The following JARID2 variants were observed in gnomAD, a reference collection of about 807,000 sequenced individuals.
JARID2 encodes the protein protein Jumonji.
JARID2 carries 21 observed loss-of-function variants against 125.6 expected under a neutral mutation model. The ratio of observed to expected loss-of-function variants is 0.17; its 90% CI spans 0.12 to 0.24. The LOEUF (loss-of-function observed/expected upper bound fraction) is 0.24. Ranked by LOEUF, JARID2 falls within the 10% of genes least tolerant of loss-of-function variation. The pLI is 1.00. For synonymous variants in JARID2, 736 were observed against 661.6 expected, an observed-to-expected ratio of 1.11 and a Z score of -1.73; for missense variants, 1,303 against 1,639.6, an observed-to-expected ratio of 0.79 and a Z score of 3.55.
intron 3 of JARID2, among the ~76,000 whole-genome samples, chr6:15,445,126 GTTGAT>G (rs1450193492): frequency 1.2e-4 from 19 of 152,230 alleles, no homozygotes; most frequent in African/African-American, 4.6e-4. Context: ...ACTCTACACT[GTTGAT>G]GACCCCAGAG....
intron 4 of JARID2, among the ~76,000 whole-genome samples, chr6:15,458,533 C>T (rs754764151): frequency 6.6e-6 from 1 of 152,226 alleles, no homozygotes; most frequent in African/African-American, 2.4e-5. Flanking sequence ...GATCAGCTGT[C>T]ATTCAGTTGC....
chr6:15,428,847 A>C (rs1766841190), intron 3 of JARID2, among the ~76,000 whole-genome samples: 1 of 149,446 alleles, frequency 6.7e-6, no homozygotes, highest in Non-Finnish European at 1.5e-5. Flanking sequence ...TAGAGGCCGC[A>C]GTGAGTTGAG....
At chr6:15,438,024 G>A (rs972588479) in intron 3 of JARID2, among the ~76,000 whole-genome samples, 1 of 152,182 alleles carries the variant, frequency 6.6e-6, no homozygotes, top group Non-Finnish European at 1.5e-5. Flanking sequence ...CAGGTTTAAT[G>A]TCTTGGGGCC....
Position 15,520,384 on chromosome 6 carries a change from CT to C in JARID2, c.*134del, listed in dbSNP as rs1192433452. 1 of 709,952 alleles carries C rather than the reference CT, an allele frequency of 1.4e-6. No homozygotes were observed. Among genetic ancestry groups the C allele is most frequent in the Non-Finnish European group, 2.2e-6 (1 of 464,582 alleles). 44.0% of individuals were successfully genotyped at this position (709,952 alleles called of 1,614,324 possible). On this transcript the variant is annotated 3_prime_UTR_variant, in exon 18 of 18. Transcript: ENST00000341776. ...AAGATTTTCTTCTGGTTTTAGAGAA[CT>C]AATTTTGTTTTAGCATTAAACTGTT...
intron 1 of JARID2, among the ~76,000 whole-genome samples, chr6:15,319,054 T>C (rs1415373534): frequency 6.6e-6 from 1 of 152,206 alleles, no homozygotes; most frequent in Non-Finnish European, 1.5e-5. Flanking sequence ...AAAAATAAAA[T>C]TGGGCCTTTT....
At chr6:15,332,164 C>G (rs1398942628) in intron 1 of JARID2, among the ~76,000 whole-genome samples, 1 of 151,996 alleles carries the variant, frequency 6.6e-6, no homozygotes, top group Non-Finnish European at 1.5e-5. Context: ...GAAAAAATTC[C>G]GACAAAGAAT....
chr6:15,455,192 C>A (rs377418946), intron 4 of JARID2, among the ~76,000 whole-genome samples: 428 of 128,230 alleles, frequency 3.3e-3, no homozygotes, highest in African/African-American at 3.7e-3. Flanking sequence ...CACTTTGTCT[C>A]AAAAAAAAAA....
chr6:15,501,416 G>C lies in JARID2; in HGVS notation c.2448+7G>C, dbSNP rs766732133. 4.6e-6 allele frequency: 7 copies of C among 1,524,758 alleles called. No individual in the cohort carries two copies. The highest frequency in any genetic ancestry group is 3.5e-6 in the Non-Finnish European group (4 of 1,139,186). The allele number at this position is 1,524,758 out of a possible 1,614,324, so 94.5% of individuals were successfully genotyped here. A position where few individuals can be genotyped will look rare whatever the true frequency, so the allele number is the denominator to read the frequency against. On this transcript the variant is annotated splice_region_variant and intron_variant, in intron 8 of 17. Coordinates refer to ENST00000341776, the MANE Select transcript of JARID2 (RefSeq NM_004973.4). ...CCACAAGTGCATCTATAAGGTAGGGGCCTCCGCAGAGCAGCCACTCCCAGC... is the reference window on the plus strand; with the variant it reads ...CCACAAGTGCATCTATAAGGTAGGGCCCTCCGCAGAGCAGCCACTCCCAGC...
chr6:15,299,759 C>T (rs1287662346), intron 1 of JARID2, among the ~76,000 whole-genome samples: 1 of 152,118 alleles, frequency 6.6e-6, no homozygotes, highest in East Asian at 1.9e-4. Context: ...CAGGCAGCCT[C>T]TGTTTCCTCA....
chr6:15,472,523 C>T (rs1227590913), intron 5 of JARID2, among the ~76,000 whole-genome samples: 1 of 152,168 alleles, frequency 6.6e-6, no homozygotes, highest in Non-Finnish European at 1.5e-5. Flanking sequence ...CTCCAAGTGT[C>T]TACCATTTTG....
intron 1 of JARID2, among the ~76,000 whole-genome samples, chr6:15,247,043 ATCT>A (rs1478866079): frequency 1.3e-5 from 2 of 152,282 alleles, no homozygotes; most frequent in South Asian, 2.1e-4. Context: ...GATTATGGCG[ATCT>A]TCTCTTTGCA....
At chr6:15,366,451 A>G (rs1763976911) in intron 1 of JARID2, among the ~76,000 whole-genome samples, 1 of 133,136 alleles carries the variant, frequency 7.5e-6, no homozygotes, top group Non-Finnish European at 1.6e-5. Flanking sequence ...TTCTTTTTGA[A>G]AGTAGCCACA....
At chr6:15,475,181 G>A (rs1287540332) in intron 5 of JARID2, among the ~76,000 whole-genome samples, 1 of 152,180 alleles carries the variant, frequency 6.6e-6, no homozygotes, top group Non-Finnish European at 1.5e-5. Flanking sequence ...TTCATTATGA[G>A]TATCCATCAG....
Position 15,508,575 on chromosome 6 carries a change from GTGTTCAGGCC to G in JARID2, c.2846+125_2846+134del, listed in dbSNP as rs1456365232. 1.1e-5 allele frequency: 7 copies of G among 665,386 alleles called. No homozygotes were observed. In the African/African-American group the frequency reaches 1.1e-4, roughly 10 times the overall value. The allele number at this position is 665,386 out of a possible 1,614,324, so 41.2% of individuals were successfully genotyped here. ...CACGTGCTTGAGAACTTGCTTCTCT[GTGTTCAGGCC>G]TGTCCTGCGTTCCCTGCCGAAGCCT... is the stretch of plus-strand genomic sequence containing the variant. On this transcript the variant is annotated intron_variant, in intron 12 of 17. Coordinates refer to ENST00000341776, the MANE Select transcript of JARID2 (RefSeq NM_004973.4).
At chr6:15,429,905 A>T (rs1314086759) in intron 3 of JARID2, among the ~76,000 whole-genome samples, 1 of 152,120 alleles carries the variant, frequency 6.6e-6, no homozygotes, top group Non-Finnish European at 1.5e-5. Flanking sequence ...GGTACATCTG[A>T]TTAGTAATAA....
At chr6:15,301,637 T>A (rs765399393) in intron 1 of JARID2, among the ~76,000 whole-genome samples, 2 of 152,202 alleles carry the variant, frequency 1.3e-5, no homozygotes, top group Non-Finnish European at 2.9e-5. Context: ...AAGTAGTTTT[T>A]GTGGGGTAAG....
chr6:15,509,195 C>G (rs765881573), intron 12 of JARID2: 3 of 1,246,828 alleles, frequency 2.4e-6, no homozygotes, highest in African/African-American at 3.1e-5. Flanking sequence ...CATCCCTGAT[C>G]GAGGCTGGAC....
chr6:15,442,067 G>A (rs940764039), intron 3 of JARID2, among the ~76,000 whole-genome samples: 2 of 151,264 alleles, frequency 1.3e-5, no homozygotes, highest in South Asian at 2.1e-4. Flanking sequence ...AAGCTGTATA[G>A]CATTGTAGAA....
At chr6:15,376,222 T>A (rs915984435) in intron 2 of JARID2, among the ~76,000 whole-genome samples, 2 of 152,198 alleles carry the variant, frequency 1.3e-5, no homozygotes, top group South Asian at 4.1e-4. Context: ...ATAAAGACTT[T>A]TAAGTCTTTT....
Sources: gnomAD v4.1 joint callset for allele counts (sites outside exome capture counted in the v4.1 genomes callset) on GRCh38, gnomAD v4.1.1 for gene constraint, MANE v1.5 for transcripts, NCBI Gene and HGNC (gene_info 2026-07-23, HGNC 2026-07-21) for gene names.